KIF27: variants seen among roughly 807,000 people sequenced by gnomAD.
KIF27 encodes the protein kinesin family member 27.
In KIF27, 84 loss-of-function variants were observed where a neutral mutation model predicts 141.8. That is an observed-to-expected ratio of 0.59 (90% CI 0.50 to 0.71). KIF27 has a LOEUF of 0.71. Among genes scored for constraint, KIF27 ranks in the 30% least tolerant of loss-of-function variants. The pLI, the probability that KIF27 is intolerant of heterozygous loss-of-function variation, is 0.00. For missense variants in KIF27, 1,306 were observed against 1,628.4 expected (o/e 0.80, Z 3.41); for synonymous variants, 471 against 569.5 (o/e 0.83, Z 2.46).
At chr9:83,845,772 G>T (rs912802971) in intron 16 of KIF27, among the ~76,000 whole-genome samples, 1 of 152,230 alleles carries the variant, frequency 6.6e-6, no homozygotes, top group Non-Finnish European at 1.5e-5. Flanking sequence ...GTAGCCAGTG[G>T]TTTGGCTGGA....
At chr9:83,851,671 T>C (rs1401739660) in intron 15 of KIF27, among the ~76,000 whole-genome samples, 4 of 152,178 alleles carry the variant, frequency 2.6e-5, no homozygotes, top group African/African-American at 9.6e-5. Flanking sequence ...ATGCATTTTG[T>C]CTACTGGATT....
chr9:83,910,665 G>A (rs7033292), intron 2 of KIF27, among the ~76,000 whole-genome samples: 47,585 of 152,020 alleles, frequency 0.31, 8,106 homozygotes, highest in African/African-American at 0.45. Flanking sequence ...CTCAGTTCAA[G>A]AATGAGGAAA....
chr9:83,858,987 C>A (rs35642767), intron 14 of KIF27, 169 bp downstream of exon 14: 60 of 623,982 alleles, frequency 9.6e-5, no homozygotes, highest in East Asian at 1.9e-4. Context: ...GTCTCTAGTC[C>A]AGCGTGGTTT....
In KIF27 at chr9:83,918,841, C is replaced by T. The variant is rs556421005; in HGVS notation, c.-88+2530G>A. ...CTGTAATCCCAGCATTTTGGGAGGCCGAGGTGGGAGGATCACCTGAGGTCA... is the reference window on the plus strand; with the variant it reads ...CTGTAATCCCAGCATTTTGGGAGGCTGAGGTGGGAGGATCACCTGAGGTCA... On this transcript the variant is annotated intron_variant, in intron 1 of 17. Transcript: ENST00000297814. 1.3e-4 allele frequency among the ~76,000 whole-genome samples: 20 copies of T among 151,480 alleles called. No individual in the cohort carries two copies. The East Asian group carries it at 3.7e-3, about 28-fold the overall frequency.
chr9:83,892,686 A>G (rs981747829), intron 5 of KIF27, among the ~76,000 whole-genome samples: 16 of 152,212 alleles, frequency 1.1e-4, no homozygotes, highest in African/African-American at 3.9e-4. Flanking sequence ...TCTAAAATAG[A>G]CACAGAAAGA....
chr9:83,894,424 G>A (rs1952974459), intron 5 of KIF27, among the ~76,000 whole-genome samples: 1 of 152,206 alleles, frequency 6.6e-6, no homozygotes, highest in African/African-American at 2.4e-5. Context: ...GTTGTCAGAT[G>A]TCTGAGAACT....
chr9:83,838,096 CA>C (rs1946110129), intron 17 of KIF27, among the ~76,000 whole-genome samples: 1 of 152,120 alleles, frequency 6.6e-6, no homozygotes, highest in African/African-American at 2.4e-5. Flanking sequence ...GTTCTTAAAT[CA>C]AAGAATATCT....
At chr9:83,917,248 T>C (rs1955794337) in intron 1 of KIF27, among the ~76,000 whole-genome samples, 1 of 146,006 alleles carries the variant, frequency 6.8e-6, no homozygotes, top group African/African-American at 2.5e-5. Flanking sequence ...AAGAATAAAA[T>C]ACTTAGAAAT....
At position 83,842,063 on chromosome 9, in the gene KIF27, C is replaced by G. The variant is rs185859181; in HGVS notation, c.3721+174G>C. 3.6e-4 allele frequency among the ~76,000 whole-genome samples: 55 copies of G among 152,316 alleles called. No individual in the cohort carries two copies. In the East Asian group the frequency reaches 9.8e-3, roughly 27 times the overall value. ...TTTCCTTTGCATCTATAAATTTGTT[C>G]ATTCACTTCTCATGTGGTTCTACTT... On this transcript the variant is annotated intron_variant, in intron 17 of 17. Transcript: ENST00000297814.
intron 5 of KIF27, among the ~76,000 whole-genome samples, chr9:83,892,478 A>G (rs548093835): frequency 1.3e-5 from 2 of 152,288 alleles, no homozygotes; most frequent in Non-Finnish European, 2.9e-5. Flanking sequence ...AAAACAACAG[A>G]AAAAGAAAAA....
At chr9:83,840,650 A>G (rs547730241) in intron 17 of KIF27, among the ~76,000 whole-genome samples, 2 of 152,146 alleles carry the variant, frequency 1.3e-5, no homozygotes, top group South Asian at 2.1e-4. Flanking sequence ...TATGTTGACT[A>G]TTTTGTTTCT....
chr9:83,896,396 A>G (rs1953258843), intron 5 of KIF27, among the ~76,000 whole-genome samples: 1 of 152,228 alleles, frequency 6.6e-6, no homozygotes, highest in African/African-American at 2.4e-5. Flanking sequence ...ATGTATTAAT[A>G]TCTAAAAATT....
chr9:83,848,475 T>C (rs1260179525), intron 16 of KIF27, among the ~76,000 whole-genome samples: 6 of 143,668 alleles, frequency 4.2e-5, no homozygotes, highest in Non-Finnish European at 7.5e-5. Context: ...TATATGTATA[T>C]ATACATATAG....
chr9:83,841,692 T>G (rs1158377926), intron 17 of KIF27, among the ~76,000 whole-genome samples: 3 of 152,170 alleles, frequency 2.0e-5, no homozygotes, highest in African/African-American at 7.2e-5. Flanking sequence ...CTTCATAGTA[T>G]TTTTTATTTT....
chr9:83,880,056 TAAGAG>T, intron 11 of KIF27: 1 of 568,168 alleles, frequency 1.8e-6, no homozygotes, highest in Non-Finnish European at 3.0e-6. Context: ...AGGATCCTAC[TAAGAG>T]AAATTATCAT....
At chr9:83,916,470 A>G (rs1955689519) in intron 1 of KIF27, among the ~76,000 whole-genome samples, 1 of 152,248 alleles carries the variant, frequency 6.6e-6, no homozygotes, top group South Asian at 2.1e-4. Flanking sequence ...ACATAAATTT[A>G]AAACTAAATT....
In KIF27 at chr9:83,835,651, G is replaced by A. The variant is rs956028539; in HGVS notation, c.*1350C>T. The A allele has an allele frequency of 3.3e-5, 5 of 152,064 alleles. No homozygotes were observed. Among genetic ancestry groups the A allele is most frequent in the Admixed American group, 6.6e-5 (1 of 15,252 alleles). 9.4% of individuals were successfully genotyped at this position (152,064 alleles called of 1,614,324 possible). A position where few individuals can be genotyped will look rare whatever the true frequency, so the allele number is the denominator to read the frequency against. ...CTTTGAGCACAGGGTGACAGTTTGG[G>A]TCCTATGTGAGATGATCAAATCCAC... On this transcript the variant is annotated 3_prime_UTR_variant, in exon 18 of 18. Transcript: ENST00000297814.
intron 13 of KIF27, among the ~76,000 whole-genome samples, chr9:83,866,007 A>T (rs1264353692): frequency 1.3e-5 from 2 of 152,074 alleles, no homozygotes; most frequent in Admixed American, 6.6e-5. Flanking sequence ...TAGGAAATAG[A>T]TGTTTCACGA....
chr9:83,845,581 T>G (rs1334631167), intron 16 of KIF27, among the ~76,000 whole-genome samples: 2 of 152,190 alleles, frequency 1.3e-5, no homozygotes, highest in Non-Finnish European at 2.9e-5. Flanking sequence ...CTGCACGATA[T>G]GCAGGCACCA....
Sources: gnomAD v4.1 joint callset for allele counts (sites outside exome capture counted in the v4.1 genomes callset) on GRCh38, gnomAD v4.1.1 for gene constraint, MANE v1.5 for transcripts, NCBI Gene and HGNC (gene_info 2026-07-23, HGNC 2026-07-21) for gene names.